ENPP3: variants seen among roughly 807,000 people sequenced by gnomAD.
ENPP3 encodes ectonucleotide pyrophosphatase/phosphodiesterase family member 3.
Under a neutral mutation model 117.8 loss-of-function variants are expected in ENPP3, and 104 were observed. The observed-to-expected ratio is 0.88, with a 90% CI of 0.75 to 1.04. The LOEUF (loss-of-function observed/expected upper bound fraction) is 1.04. ENPP3 is among the 50% of genes least tolerant of loss of function. The pLI, the probability that ENPP3 is intolerant of heterozygous loss-of-function variation, is 0.00. For missense variants in ENPP3, 1,026 were observed against 1,051.9 expected, an observed-to-expected ratio of 0.98 and a Z score of 0.34; for synonymous variants, 380 against 349.9, an observed-to-expected ratio of 1.09 and a Z score of -0.96.
chr6:131,706,990 T>G (rs1454144626), intron 15 of ENPP3, among the ~76,000 whole-genome samples: 1 of 151,974 alleles, frequency 6.6e-6, no homozygotes, highest in Non-Finnish European at 1.5e-5. Context: ...TACTGTTTTC[T>G]GGAAAAGATT....
At chr6:131,716,457 AC>A (rs1214830235) in intron 15 of ENPP3, among the ~76,000 whole-genome samples, 1 of 151,952 alleles carries the variant, frequency 6.6e-6, no homozygotes, top group Non-Finnish European at 1.5e-5. Context: ...ATTTTAAAAA[AC>A]TAGATTTTTC....
At chr6:131,686,938 A>C (rs959657095) in intron 14 of ENPP3, among the ~76,000 whole-genome samples, 4 of 152,134 alleles carry the variant, frequency 2.6e-5, no homozygotes, top group Non-Finnish European at 5.9e-5. Context: ...GGTTGATTCC[A>C]TGTCTTTGCT....
intron 15 of ENPP3, among the ~76,000 whole-genome samples, chr6:131,704,474 CTT>C (rs1192267696): frequency 4.8e-5 from 6 of 126,188 alleles, no homozygotes; most frequent in Admixed American, 3.1e-4. Flanking sequence ...TGAAAATTTT[CTT>C]TTTTTTTTTT....
Position 131,738,063 on chromosome 6 carries a change from A to G in ENPP3, c.2200A>G (p.Ile734Val). Residue 734 changes from isoleucine (I) to valine (V), a missense_variant, in exon 23 of 25, where the codon ATA (isoleucine) becomes GTA (valine). Physicochemically the swap from Ile to Val is conservative, Grantham distance 29 (BLOSUM62 3). Coordinates refer to ENST00000357639, the MANE Select transcript of ENPP3 (RefSeq NM_005021.5). ...MWDYFHSVLLIKHATERNGVN... is the reference protein window; with the variant it reads ...MWDYFHSVLLVKHATERNGVN... The stretch of plus-strand genomic sequence containing the variant: ...GGACTACTTCCACAGTGTTCTTCTT[A>G]TAAAACATGCCACAGAAAGAAATGG... The G allele has an allele frequency of 6.2e-7, 1 of 1,607,086 alleles. No homozygotes were observed. Among genetic ancestry groups the G allele is most frequent in the Non-Finnish European group, 8.5e-7 (1 of 1,175,268 alleles).
chr6:131,637,919 A>AC (rs1045646117), intron 1 of ENPP3, among the ~76,000 whole-genome samples: 14 of 136,890 alleles, frequency 1.0e-4, no homozygotes, highest in South Asian at 5.0e-4. Context: ...AAGATCTGCC[A>AC]CCCCCCCTCA....
intron 12 of ENPP3, among the ~76,000 whole-genome samples, chr6:131,684,272 A>G (rs1779099820): frequency 6.6e-6 from 1 of 152,240 alleles, no homozygotes; most frequent in African/African-American, 2.4e-5. Context: ...TGGGAAACAT[A>G]GTAATGTATT....
intron 12 of ENPP3, among the ~76,000 whole-genome samples, chr6:131,684,760 C>T (rs1318348786): frequency 1.3e-5 from 2 of 151,848 alleles, no homozygotes; most frequent in South Asian, 2.1e-4. Context: ...TTTTATAGCA[C>T]GTACTCCTTA....
At chr6:131,652,425 A>G in intron 3 of ENPP3, 117 bp from the exon 4 acceptor site, 1 of 1,076,298 alleles carries the variant, frequency 9.3e-7, no homozygotes, top group Admixed American at 2.3e-5. Context: ...TTCATTTATT[A>G]ATACAGATAA....
intron 18 of ENPP3, among the ~76,000 whole-genome samples, 159 bp downstream of exon 18, chr6:131,722,564 G>A (rs1004119130): frequency 6.6e-6 from 1 of 152,206 alleles, no homozygotes; most frequent in African/African-American, 2.4e-5. Context: ...CTGGAAACGA[G>A]AAGTGAGAAT....
At chr6:131,715,812 T>A (rs1427609177) in intron 15 of ENPP3, among the ~76,000 whole-genome samples, 1 of 152,120 alleles carries the variant, frequency 6.6e-6, no homozygotes, top group African/African-American at 2.4e-5. Context: ...TAGTGCTTAT[T>A]GTTGGGGGAC....
At chr6:131,675,710 C>T (rs62423388) in intron 9 of ENPP3, among the ~76,000 whole-genome samples, 1 of 151,962 alleles carries the variant, frequency 6.6e-6, no homozygotes, top group South Asian at 2.1e-4. Flanking sequence ...GGCGCATTAC[C>T]TCTAATCTTG....
chr6:131,646,274 CTGTGTG>C (rs34014584), intron 2 of ENPP3, among the ~76,000 whole-genome samples: 91 of 145,556 alleles, frequency 6.3e-4, no homozygotes, highest in East Asian at 1.4e-3. Flanking sequence ...TCTCAATACT[CTGTGTG>C]TGTGTGTGTG....
intron 15 of ENPP3, among the ~76,000 whole-genome samples, chr6:131,701,872 A>T (rs1157479656): frequency 1.4e-5 from 2 of 147,136 alleles, no homozygotes; most frequent in Non-Finnish European, 3.0e-5. Context: ...ACAGAGCCAG[A>T]CTCTGTCTCC....
intron 2 of ENPP3, 110 bp downstream of exon 2, chr6:131,641,640 A>C: frequency 3.0e-6 from 2 of 671,830 alleles, no homozygotes; most frequent in Non-Finnish European, 2.7e-6. Context: ...TCCATGCAGC[A>C]TTCTGCTTCT....
chr6:131,642,569 C>T (rs959957945), intron 2 of ENPP3, among the ~76,000 whole-genome samples: 2 of 151,898 alleles, frequency 1.3e-5, no homozygotes, highest in African/African-American at 2.4e-5. Context: ...CATGTCCCCC[C>T]GCTTTTTGTT....
At position 131,678,921 on chromosome 6, in the gene ENPP3, CTTTCTTTCTT is replaced by C. The variant is rs1562446438; in HGVS notation, c.1011+983_1011+992del. Among the ~76,000 whole-genome samples the C allele has an allele frequency of 3.0e-4, 21 of 69,570 alleles. 1 individual carries two copies. The highest frequency in any genetic ancestry group is 1.4e-3 in the African/African-American group (16 of 11,096). The allele number at this position is 69,570 out of a possible 152,430, so 45.6% of individuals were successfully genotyped here. A position where few individuals can be genotyped will look rare whatever the true frequency, so the allele number is the denominator to read the frequency against. Reference sequence around the variant, plus strand: ...TCTTTCTTTCTCTCTTTCTTTCTTTCTTTCTTTCTTTCTTTCTTTCTTTCTTTCTTTCTTT... The same window carrying C: ...TCTTTCTTTCTCTCTTTCTTTCTTTCTCTTTCTTTCTTTCTTTCTTTCTTT... On this transcript the variant is annotated intron_variant, in intron 11 of 24. Coordinates refer to ENST00000357639, the MANE Select transcript of ENPP3 (RefSeq NM_005021.5).
intron 11 of ENPP3, among the ~76,000 whole-genome samples, chr6:131,682,591 CA>C (rs1779049731): frequency 6.6e-6 from 1 of 152,072 alleles, no homozygotes; most frequent in Non-Finnish European, 1.5e-5. Context: ...ATTTGTACTC[CA>C]AGTGTTGACT....
chr6:131,736,527 A>C (rs1275556761), intron 21 of ENPP3, among the ~76,000 whole-genome samples: 2 of 152,068 alleles, frequency 1.3e-5, no homozygotes, highest in Non-Finnish European at 2.9e-5. Context: ...CCCATGATTC[A>C]ATTACCTCCC....
intron 15 of ENPP3, among the ~76,000 whole-genome samples, chr6:131,694,789 G>A (rs1779364323): frequency 6.7e-6 from 1 of 149,490 alleles, no homozygotes; most frequent in Non-Finnish European, 1.5e-5. Flanking sequence ...AGCCAAGATC[G>A]CACCACTGCA....
Sources: allele counts gnomAD v4.1 joint callset (sites outside exome capture counted in the v4.1 genomes callset), GRCh38; gene constraint gnomAD v4.1.1; transcripts MANE v1.5; gene names NCBI Gene and HGNC (gene_info 2026-07-23, HGNC 2026-07-21).